The following ZNF169 variants were observed in gnomAD, a reference collection of about 807,000 sequenced individuals.
ZNF169 encodes the protein zinc finger protein 169.
Under a neutral mutation model 12.0 loss-of-function variants are expected in ZNF169, and 11 were observed. The ratio of observed to expected loss-of-function variants is 0.92; its 90% CI spans 0.58 to 1.52. ZNF169 has a LOEUF of 1.52. Ranked by LOEUF, ZNF169 falls within the 40% of genes most tolerant of loss-of-function variation. The probability of loss-of-function intolerance (pLI) is 0.00; values close to 1 mark genes in which losing one functional copy is unlikely to be tolerated. For missense variants in ZNF169, 722 were observed against 744.0 expected (o/e 0.97, Z 0.34); for synonymous variants, 302 against 286.5 (o/e 1.05, Z -0.55).
At chr9:94,268,802 A>T (rs905501060) in intron 1 of ZNF169, among the ~76,000 whole-genome samples, 2 of 151,200 alleles carry the variant, frequency 1.3e-5, no homozygotes, top group African/African-American at 4.9e-5. Context: ...AAAAAAAAAA[A>T]TTTCCAAAGA....
At chr9:94,290,094 G>A (rs1292020510) in intron 2 of ZNF169, among the ~76,000 whole-genome samples, 1 of 152,088 alleles carries the variant, frequency 6.6e-6, no homozygotes, top group African/African-American at 2.4e-5. Flanking sequence ...TGTAATGTTG[G>A]TCATATCGAT....
At chr9:94,267,361 C>A (rs910234496) in intron 1 of ZNF169, among the ~76,000 whole-genome samples, 4 of 152,128 alleles carry the variant, frequency 2.6e-5, no homozygotes, top group African/African-American at 4.8e-5. Context: ...AACTTTGATT[C>A]CTTAAAGGAG....
intron 2 of ZNF169, among the ~76,000 whole-genome samples, chr9:94,283,533 A>G (rs1180086702): frequency 6.6e-6 from 1 of 152,180 alleles, no homozygotes; most frequent in African/African-American, 2.4e-5. Flanking sequence ...TCAAAACTGG[A>G]AGACTTGGTG....
In ZNF169 at chr9:94,301,117, G is replaced by C. The variant is rs745398870; in HGVS notation, c.1559G>C (p.Gly520Ala). 1 of 1,614,018 alleles carries C rather than the reference G, an allele frequency of 6.2e-7. No individual in the cohort carries two copies. The highest frequency in any genetic ancestry group is 2.2e-5 in the East Asian group (1 of 44,882). ...GAGCTTTACGTAGACAGGGTGTGTG[G>C]ACAAGGACTTGGCCAGAAGTCACAC... is the stretch of plus-strand genomic sequence containing the variant. ...EEELYVDRVC[G>A]QGLGQKSHLI... The change falls in exon 5 of 5, where the codon GGA becomes GCA. Residue 520 changes from glycine (G) to alanine (A), a missense_variant. Gly to Ala is a moderately conservative substitution (Grantham distance 60, BLOSUM62 0). Transcript: ENST00000395395.
At chr9:94,296,931 C>CTCGGG (rs1220181021) in intron 4 of ZNF169, 8 of 410,186 alleles carry the variant, frequency 2.0e-5, no homozygotes, top group Non-Finnish European at 3.9e-5. Context: ...CCTGTAATCA[C>CTCGGG]AGCTACTCGG....
At chr9:94,283,043 A>T (rs139648700) in intron 2 of ZNF169, among the ~76,000 whole-genome samples, 36 of 152,150 alleles carry the variant, frequency 2.4e-4, no homozygotes, top group African/African-American at 7.5e-4. Context: ...TGTCCTATGG[A>T]TTTACCTCTT....
chr9:94,259,625 C>A (rs1364105666), intron 1 of ZNF169, among the ~76,000 whole-genome samples: 3 of 152,134 alleles, frequency 2.0e-5, no homozygotes, highest in Admixed American at 6.5e-5. Flanking sequence ...GGGGCCAGTG[C>A]AGGCCTGGGA....
At chr9:94,272,365 A>G (rs1830438394) in intron 1 of ZNF169, among the ~76,000 whole-genome samples, 1 of 152,158 alleles carries the variant, frequency 6.6e-6, no homozygotes, top group African/African-American at 2.4e-5. Context: ...AATATTGTTA[A>G]CTATGTACAA....
chr9:94,287,196 C>T (rs186483479), intron 2 of ZNF169, among the ~76,000 whole-genome samples: 6 of 152,232 alleles, frequency 3.9e-5, no homozygotes, highest in Admixed American at 3.9e-4. Context: ...CTGAAAGAAC[C>T]TTTTTTGGAA....
At chr9:94,263,240 C>G (rs1197801886) in intron 1 of ZNF169, among the ~76,000 whole-genome samples, 1 of 152,006 alleles carries the variant, frequency 6.6e-6, no homozygotes, top group Non-Finnish European at 1.5e-5. Flanking sequence ...TCAATTTTTG[C>G]TTCACGTATT....
chr9:94,292,196 C>G, intron 2 of ZNF169, 145 bp from the exon 3 acceptor site: 2 of 1,329,988 alleles, frequency 1.5e-6, no homozygotes, highest in Non-Finnish European at 2.1e-6. Context: ...TATATGGAAC[C>G]AGGTTTCAGG....
At chr9:94,272,791 C>A (rs747640213) in intron 1 of ZNF169, among the ~76,000 whole-genome samples, 6 of 152,156 alleles carry the variant, frequency 3.9e-5, no homozygotes, top group Non-Finnish European at 7.4e-5. Context: ...AACCTTCATA[C>A]TGTTTTCTGT....
chr9:94,292,738 A>T, intron 3 of ZNF169: 1 of 616,048 alleles, frequency 1.6e-6, no homozygotes, highest in Non-Finnish European at 2.8e-6. Context: ...ATCCTCCTTC[A>T]AAAGGAGGAA....
rs1554712988 is a variant in ZNF169, at chr9:94,265,041, T to TTA, written c.-56+5696_-56+5697insTA. On this transcript the variant is annotated intron_variant, in intron 1 of 4. Coordinates refer to ENST00000395395, the MANE Select transcript of ZNF169 (RefSeq NM_194320.4). The stretch of plus-strand genomic sequence containing the variant: ...ACCCTGTTTTTTTTTTTTTTTTTTT[T>TTA]AATATCTCTTAGGTACTTTGGGAAT... Among the ~76,000 whole-genome samples the TTA allele has an allele frequency of 3.5e-4, 52 of 146,964 alleles. No individual in the cohort carries two copies. In the East Asian group the frequency reaches 8.1e-3, roughly 23 times the overall value.
chr9:94,300,162 A>C lies in ZNF169; in HGVS notation c.604A>C (p.Lys202Gln). Reference protein sequence around the residue: ...MSLGGSDTMLKGADTSESGAV... With the variant: ...MSLGGSDTMLQGADTSESGAV... ...TCTTGGGGGGTCAGACACAATGTTG[A>C]AGGGAGCAGACACTTCAGAATCTGG... The change falls in exon 5 of 5, where the codon AAG (lysine) becomes CAG (glutamine). Residue 202 changes from lysine (K) to glutamine (Q), a missense_variant. By Grantham distance (53) the Lys-to-Gln change is moderately conservative (BLOSUM62 1). Transcript: ENST00000395395. 6.2e-7 allele frequency: 1 copy of C among 1,614,144 alleles called. No homozygotes were observed. Among genetic ancestry groups the C allele is most frequent in the East Asian group, 2.2e-5 (1 of 44,876 alleles).
At chr9:94,265,113 G>A (rs1830271048) in intron 1 of ZNF169, among the ~76,000 whole-genome samples, 1 of 144,858 alleles carries the variant, frequency 6.9e-6, no homozygotes, top group East Asian at 2.1e-4. Flanking sequence ...CTGCCATACA[G>A]TCTTCAAAAA....
chr9:94,300,994 C>G lies in ZNF169; in HGVS notation c.1436C>G (p.Thr479Arg). The change falls in exon 5 of 5, where the codon ACA becomes AGA. Residue 479 changes from threonine (T) to arginine (R), a missense_variant. Physicochemically the swap from Thr to Arg is moderately conservative, Grantham distance 71. Transcript: ENST00000395395. ...GTCACCCTCATCAGACACCAGAGGACACACACAGGGGAGAAGCCTTATCTG... is the reference window on the plus strand; with the variant it reads ...GTCACCCTCATCAGACACCAGAGGAGACACACAGGGGAGAAGCCTTATCTG... Reference protein sequence around the residue: ...QKVTLIRHQRTHTGEKPYLCP... With the variant: ...QKVTLIRHQRRHTGEKPYLCP... The G allele has an allele frequency of 6.2e-7, 1 of 1,613,986 alleles. No homozygotes were observed. Among genetic ancestry groups the G allele is most frequent in the Middle Eastern group, 1.7e-4 (1 of 6,060 alleles).
At chr9:94,282,786 G>GGTTTATTTAGGGGTTCACTCCTAAA (rs1191507504) in intron 2 of ZNF169, among the ~76,000 whole-genome samples, 1 of 152,062 alleles carries the variant, frequency 6.6e-6, no homozygotes, top group Non-Finnish European at 1.5e-5. Context: ...ATCAATTTGT[G>GGTTTATTTAGGGGTTCACTCCTAAA]TAAGATTCCT....
At chr9:94,259,914 T>C (rs1399609997) in intron 1 of ZNF169, among the ~76,000 whole-genome samples, 2 of 143,404 alleles carry the variant, frequency 1.4e-5, no homozygotes, top group Non-Finnish European at 3.1e-5. Context: ...ATTTATTTAT[T>C]TTTGAAACAG....
Sources: gnomAD v4.1 joint callset for allele counts (sites outside exome capture counted in the v4.1 genomes callset) on GRCh38, gnomAD v4.1.1 for gene constraint, MANE v1.5 for transcripts, NCBI Gene and HGNC (gene_info 2026-07-23, HGNC 2026-07-21) for gene names.